CDH18: variants seen among roughly 807,000 people sequenced by gnomAD.
CDH18 encodes the protein cadherin 18.
A neutral mutation model predicts 67.9 loss-of-function variants in CDH18; 31 were observed. The observed-to-expected ratio is 0.46, with a 90% confidence interval of 0.34 to 0.62. The LOEUF is 0.62. Ranked by LOEUF, CDH18 falls within the 20% of genes least tolerant of loss-of-function variation. The pLI is 0.01. For synonymous variants in CDH18, 362 were observed against 347.2 expected, an observed-to-expected ratio of 1.04 and a Z score of -0.48; for missense variants, 890 against 975.5, an observed-to-expected ratio of 0.91 and a Z score of 1.17.
chr5:19,903,567 T>TATATATATATATATATATATATA (rs1199564842), intron 2 of CDH18, among the ~76,000 whole-genome samples: 1 of 83,810 alleles, frequency 1.2e-5, no homozygotes, highest in Non-Finnish European at 3.0e-5. Flanking sequence ...ATATATATAT[T>TATATATATATATATATATATATA]TGTTGAGCCT....
At chr5:19,580,131 C>T (rs1742996535) in intron 7 of CDH18, among the ~76,000 whole-genome samples, 1 of 151,718 alleles carries the variant, frequency 6.6e-6, no homozygotes, top group African/African-American at 2.4e-5. Flanking sequence ...AGGTAATTAG[C>T]ATATTGTAAT....
intron 1 of CDH18, among the ~76,000 whole-genome samples, chr5:20,319,445 G>A (rs529741738): frequency 1.3e-5 from 2 of 152,122 alleles, no homozygotes; most frequent in African/African-American, 4.8e-5. Flanking sequence ...AAGCCTCCCT[G>A]TATTCGTTGC....
In CDH18 at chr5:20,366,038, C is replaced by T. The variant is rs1053589645; in HGVS notation, c.-579-110533G>A. 7.9e-5 allele frequency among the ~76,000 whole-genome samples: 12 copies of T among 151,974 alleles called. No individual in the cohort carries two copies. The South Asian group carries it at 8.3e-4, about 10-fold the overall frequency. ...TTATTATATGCCCATAAAATACTTC[C>T]CTGGAGTACCCAACTCAAAACTCCT... On this transcript the variant is annotated intron_variant, in intron 1 of 14. Coordinates refer to the CDH18 transcript ENST00000507958.
At chr5:19,508,047 C>T (rs112963332) in intron 10 of CDH18, among the ~76,000 whole-genome samples, 4,630 of 147,074 alleles carry the variant, frequency 0.031, 114 homozygotes, top group Admixed American at 0.074. Context: ...TTTTATTAAT[C>T]GTATTTCTGA....
chr5:19,637,140 TTC>T (rs887054149), intron 5 of CDH18, among the ~76,000 whole-genome samples: 33 of 149,856 alleles, frequency 2.2e-4, no homozygotes, highest in African/African-American at 8.4e-4. Context: ...TTCTCTTTCT[TTC>T]TTTCTTTCTT....
chr5:19,678,246 C>A (rs78460596), intron 5 of CDH18, among the ~76,000 whole-genome samples: 1,713 of 141,976 alleles, frequency 0.012, 29 homozygotes, highest in African/African-American at 0.042. Context: ...CTCAGCAAAT[C>A]AAAAAAAAAA....
At chr5:20,525,894 A>G (rs1406366619) in intron 1 of CDH18, among the ~76,000 whole-genome samples, 1 of 152,136 alleles carries the variant, frequency 6.6e-6, no homozygotes, top group African/African-American at 2.4e-5. Context: ...TTATGACTCA[A>G]AAGTTTTTAA....
intron 2 of CDH18, among the ~76,000 whole-genome samples, chr5:19,944,804 T>C (rs576443264): frequency 8.5e-5 from 13 of 152,146 alleles, no homozygotes; most frequent in Middle Eastern, 3.4e-3. Flanking sequence ...TAGACAGCCA[T>C]AAAAGGATTC....
chr5:20,385,097 A>G (rs1050975966), intron 1 of CDH18, among the ~76,000 whole-genome samples: 1 of 152,144 alleles, frequency 6.6e-6, no homozygotes, highest in Non-Finnish European at 1.5e-5. Flanking sequence ...TTGGCCACCC[A>G]AAGTGCTGGG....
intron 4 of CDH18, among the ~76,000 whole-genome samples, chr5:19,745,314 C>T (rs1769838496): frequency 6.6e-6 from 1 of 152,196 alleles, no homozygotes; most frequent in Non-Finnish European, 1.5e-5. Flanking sequence ...CATAAAAGCC[C>T]TCCAATGCTC....
At chr5:20,442,058 G>T (rs554311217) in intron 1 of CDH18, among the ~76,000 whole-genome samples, 1 of 151,976 alleles carries the variant, frequency 6.6e-6, no homozygotes, top group Non-Finnish European at 1.5e-5. Context: ...CATCTATCTT[G>T]TTAATTGCAT....
intron 2 of CDH18, among the ~76,000 whole-genome samples, chr5:20,102,215 A>AGTGT (rs56036253): frequency 8.7e-5 from 13 of 148,890 alleles, no homozygotes; most frequent in African/African-American, 2.9e-4. Context: ...TGTTATGTGC[A>AGTGT]GTGTGTGTGT....
intron 2 of CDH18, among the ~76,000 whole-genome samples, chr5:20,093,624 G>A (rs1184220726): frequency 4.6e-5 from 7 of 151,894 alleles, no homozygotes; most frequent in Non-Finnish European, 1.0e-4. Flanking sequence ...ATAAAATAAA[G>A]GTATAAAACT....
intron 5 of CDH18, among the ~76,000 whole-genome samples, chr5:19,694,174 C>T (rs369009757): frequency 2.6e-5 from 4 of 152,242 alleles, no homozygotes; most frequent in East Asian, 1.9e-4. Context: ...GTGTATGTAT[C>T]TTTAATTTTT....
At chr5:20,371,661 A>G (rs550273077) in intron 1 of CDH18, among the ~76,000 whole-genome samples, 28 of 152,296 alleles carry the variant, frequency 1.8e-4, no homozygotes, top group African/African-American at 6.7e-4. Flanking sequence ...AAGATGGGAG[A>G]CATAAGAACG....
At chr5:20,203,600 A>AGAGAGAGAGAGAGAGAGAGAGAGAGAG (rs1561874364) in intron 2 of CDH18, among the ~76,000 whole-genome samples, 4 of 150,644 alleles carry the variant, frequency 2.7e-5, no homozygotes, top group African/African-American at 7.4e-5. Flanking sequence ...AGAGAGAGAG[A>AGAGAGAGAGAGAGAGAGAGAGAGAGAG]AATTCAACAG....
intron 3 of CDH18, among the ~76,000 whole-genome samples, chr5:19,782,327 G>A (rs568295432): frequency 6.6e-6 from 1 of 152,196 alleles, no homozygotes; most frequent in Non-Finnish European, 1.5e-5. Flanking sequence ...GAGCATGGGA[G>A]AAAACAGCCC....
chr5:20,349,041 C>A (rs1026104245), intron 1 of CDH18, among the ~76,000 whole-genome samples: 1 of 152,098 alleles, frequency 6.6e-6, no homozygotes, highest in Non-Finnish European at 1.5e-5. Context: ...CATTACTCAT[C>A]AAAGTCACCT....
At chr5:19,841,018 A>G (rs1782256178) in intron 2 of CDH18, among the ~76,000 whole-genome samples, 2 of 152,172 alleles carry the variant, frequency 1.3e-5, no homozygotes, top group African/African-American at 2.4e-5. Context: ...ATTCTCTTAC[A>G]CAGTTGAGGA....
Sources: gnomAD v4.1 joint callset for allele counts (sites outside exome capture counted in the v4.1 genomes callset) on GRCh38, gnomAD v4.1.1 for gene constraint, MANE v1.5 for transcripts, NCBI Gene and HGNC (gene_info 2026-07-23, HGNC 2026-07-21) for gene names.